Variants in TRIM44 observed in about 807,000 individuals in gnomAD.
TRIM44 encodes the protein tripartite motif containing 44.
In TRIM44, 13 loss-of-function variants were observed where a neutral mutation model predicts 37.4. The ratio of observed to expected loss-of-function variants is 0.35; its 90% CI spans 0.23 to 0.55. The LOEUF (loss-of-function observed/expected upper bound fraction) is 0.55. Among genes scored for constraint, TRIM44 ranks in the 20% least tolerant of loss-of-function variants. The probability of loss-of-function intolerance (pLI) is 0.89; values close to 1 mark genes in which losing one functional copy is unlikely to be tolerated. For synonymous variants in TRIM44, 175 were observed against 157.2 expected (o/e 1.11, Z -0.85); for missense variants, 426 against 437.2 (o/e 0.97, Z 0.23).
At chr11:35,735,346 G>A in intron 3 of TRIM44, 80 bp from the exon 4 acceptor site, 1 of 1,435,040 alleles carries the variant, frequency 7.0e-7, no homozygotes. Flanking sequence ...GGTTGGGAGA[G>A]GGGAGGGAAA....
At chr11:35,759,864 C>T (rs1351108417) in intron 4 of TRIM44, among the ~76,000 whole-genome samples, 2 of 152,144 alleles carry the variant, frequency 1.3e-5, no homozygotes, top group Admixed American at 1.3e-4. Flanking sequence ...GAAGTTTTGT[C>T]TCAGAGGAGT....
chr11:35,706,628 A>G (rs1220518246), intron 2 of TRIM44, among the ~76,000 whole-genome samples: 1 of 152,204 alleles, frequency 6.6e-6, no homozygotes, highest in East Asian at 1.9e-4. Flanking sequence ...CAATAAATGT[A>G]ATCTAGCATA....
chr11:35,803,342 C>T (rs1853395281), intron 4 of TRIM44, among the ~76,000 whole-genome samples: 1 of 151,494 alleles, frequency 6.6e-6, no homozygotes, highest in Non-Finnish European at 1.5e-5. Flanking sequence ...CTAAGTGTGA[C>T]TGGCAGGTGT....
At chr11:35,728,605 T>G (rs951593875) in intron 3 of TRIM44, among the ~76,000 whole-genome samples, 3 of 152,206 alleles carry the variant, frequency 2.0e-5, no homozygotes, top group Non-Finnish European at 4.4e-5. Context: ...ATCTGGTAAC[T>G]TATTGGTGAG....
chr11:35,802,645 G>C (rs946849202), intron 4 of TRIM44, among the ~76,000 whole-genome samples: 2 of 152,144 alleles, frequency 1.3e-5, no homozygotes, highest in East Asian at 3.9e-4. Context: ...TTTAGATACA[G>C]CAGTACCCTC....
chr11:35,699,320 T>C (rs1851750302), intron 2 of TRIM44, among the ~76,000 whole-genome samples: 1 of 152,154 alleles, frequency 6.6e-6, no homozygotes, highest in Non-Finnish European at 1.5e-5. Context: ...ATAAACATAA[T>C]CCAGCATATA....
At chr11:35,713,158 C>T (rs1851999872) in intron 2 of TRIM44, among the ~76,000 whole-genome samples, 2 of 152,316 alleles carry the variant, frequency 1.3e-5, no homozygotes, top group African/African-American at 2.4e-5. Flanking sequence ...TTTACACCTA[C>T]GAAGAGACAT....
chr11:35,701,758 C>G (rs1426480224), intron 2 of TRIM44, among the ~76,000 whole-genome samples: 3 of 152,152 alleles, frequency 2.0e-5, no homozygotes, highest in Non-Finnish European at 4.4e-5. Context: ...TTCACTACAG[C>G]TTAAGACCAG....
At chr11:35,726,633 G>A (rs1166453712) in intron 3 of TRIM44, among the ~76,000 whole-genome samples, 1 of 151,006 alleles carries the variant, frequency 6.6e-6, no homozygotes, top group South Asian at 2.1e-4. Context: ...ATAAATTGGA[G>A]GCATAACTGC....
chr11:35,723,226 C>T (rs902000066), intron 2 of TRIM44, among the ~76,000 whole-genome samples: 1 of 152,122 alleles, frequency 6.6e-6, no homozygotes, highest in African/African-American at 2.4e-5. Flanking sequence ...ACTTTATTAT[C>T]GTACTTCTCT....
intron 2 of TRIM44, among the ~76,000 whole-genome samples, chr11:35,719,536 GTTTTTCATT>G (rs974364428): frequency 3.3e-5 from 5 of 152,076 alleles, no homozygotes; most frequent in African/African-American, 1.2e-4. Flanking sequence ...CAGAGCAGAG[GTTTTTCATT>G]TTAATGAAGT....
At chr11:35,689,585 G>A (rs978910197) in intron 2 of TRIM44, among the ~76,000 whole-genome samples, 11 of 152,148 alleles carry the variant, frequency 7.2e-5, no homozygotes, top group Admixed American at 3.9e-4. Flanking sequence ...TGTAGATTGA[G>A]TACATTTATG....
chr11:35,729,314 G>A (rs981782295), intron 3 of TRIM44, among the ~76,000 whole-genome samples: 1 of 152,124 alleles, frequency 6.6e-6, no homozygotes, highest in African/African-American at 2.4e-5. Flanking sequence ...ATGTTAATGA[G>A]GTATCTTTCT....
chr11:35,762,308 C>G (rs960066412), intron 4 of TRIM44, among the ~76,000 whole-genome samples: 4 of 152,042 alleles, frequency 2.6e-5, no homozygotes, highest in African/African-American at 9.7e-5. Flanking sequence ...AGTGATAGGG[C>G]TCACATCTAG....
chr11:35,672,207 C>T (rs886448948), intron 1 of TRIM44, among the ~76,000 whole-genome samples: 1 of 152,138 alleles, frequency 6.6e-6, no homozygotes, highest in Non-Finnish European at 1.5e-5. Flanking sequence ...ATATTTTATA[C>T]TGTGATCTCC....
At position 35,739,042 on chromosome 11, in the gene TRIM44, CT is replaced by C. The variant is rs1217633257; in HGVS notation, c.1007+3601del. Among the ~76,000 whole-genome samples the C allele has an allele frequency of 3.9e-5, 6 of 152,192 alleles. No individual in the cohort carries two copies. The East Asian group carries it at 9.7e-4, about 25-fold the overall frequency. On this transcript the variant is annotated intron_variant, in intron 4 of 4. Transcript: ENST00000299413. ...GCTGGAGTGTCTTGCCTTTTTTCCT[CT>C]TTTCTGTTTTGATTTCCCAGTTGTT...
intron 4 of TRIM44, among the ~76,000 whole-genome samples, chr11:35,782,712 A>G (rs1344930795): frequency 6.6e-6 from 1 of 152,172 alleles, no homozygotes; most frequent in African/African-American, 2.4e-5. Flanking sequence ...CCACCAAACC[A>G]GAAGACTTAT....
chr11:35,787,351 G>A (rs1421438068), intron 4 of TRIM44, among the ~76,000 whole-genome samples: 4 of 152,122 alleles, frequency 2.6e-5, no homozygotes, highest in Non-Finnish European at 5.9e-5. Flanking sequence ...AAGAAAAACA[G>A]GATGATAGAG....
In TRIM44 at chr11:35,686,151, AAT is replaced by A. The variant is rs549192786; in HGVS notation, c.747+818_747+819del. The stretch of plus-strand genomic sequence containing the variant: ...TGTCCCGGCTTTTTTTTTTTATTTC[AAT>A]ATGTTAGGGTCTAGAGGATTGATAT... On this transcript the variant is annotated intron_variant, in intron 2 of 4. Transcript: ENST00000299413. Among the ~76,000 whole-genome samples the A allele has an allele frequency of 1.8e-3, 277 of 151,458 alleles. 1 individual carries two copies. The highest frequency in any genetic ancestry group is 6.4e-3 in the African/African-American group (266 of 41,242).
Sources: gnomAD v4.1 joint callset for allele counts (sites outside exome capture counted in the v4.1 genomes callset) on GRCh38, gnomAD v4.1.1 for gene constraint, MANE v1.5 for transcripts, NCBI Gene and HGNC (gene_info 2026-07-23, HGNC 2026-07-21) for gene names.